Variants in RAB29 observed in about 807,000 individuals in gnomAD.
RAB29 encodes RAB29, member RAS oncogene family, also known as ras-related protein Rab-29.
In RAB29, 13 loss-of-function variants were observed where a neutral mutation model predicts 25.5. That is an observed-to-expected ratio of 0.51 (90% CI 0.33 to 0.81). RAB29 has a LOEUF of 0.81. RAB29 is among the 30% of genes least tolerant of loss of function. RAB29 has a pLI of 0.02. For synonymous variants in RAB29, 88 were observed against 95.0 expected (o/e 0.93, Z 0.43); for missense variants, 201 against 254.9 (o/e 0.79, Z 1.44).
intron 2 of RAB29, 55 bp from the exon 3 acceptor site, chr1:205,772,622 G>A: frequency 6.7e-7 from 1 of 1,499,492 alleles, no homozygotes; most frequent in Non-Finnish European, 9.3e-7. Flanking sequence ...AAAATTAATA[G>A]GGATAAACTC....
chr1:205,768,527 TTTTC>T lies in RAB29; in HGVS notation c.*1811_*1814del, dbSNP rs777138496. On this transcript the variant is annotated 3_prime_UTR_variant, in exon 6 of 6. Transcript: ENST00000367139. The stretch of plus-strand genomic sequence containing the variant: ...GTTTGAGGTCGGGACCCAAAAATCT[TTTTC>T]TTTTTGTTTTTTTTTTTTGGAGATG... 9.0e-5 allele frequency: 9 copies of T among 100,222 alleles called. No homozygotes were observed. Among genetic ancestry groups the T allele is most frequent in the East Asian group, 2.9e-4 (1 of 3,456 alleles). 6.2% of individuals were successfully genotyped at this position (100,222 alleles called of 1,614,324 possible).
chr1:205,770,513 T>A (rs1654932396), intron 5 of RAB29, 60 bp from the exon 6 acceptor site: 3 of 1,496,636 alleles, frequency 2.0e-6, no homozygotes, highest in African/African-American at 2.8e-5. Flanking sequence ...AAATGGCAGA[T>A]GTAGTCTGAC....
chr1:205,773,418 G>A (rs934813974), intron 2 of RAB29, among the ~76,000 whole-genome samples: 2 of 152,178 alleles, frequency 1.3e-5, no homozygotes, highest in African/African-American at 2.4e-5. Context: ...ACCCAAATCC[G>A]TGAAATAGGG....
rs1654859154 is a variant in RAB29, at chr1:205,769,103, TTCTG to T, written c.*1235_*1238del. 1 of 152,216 alleles carries T rather than the reference TTCTG, an allele frequency of 6.6e-6. No homozygotes were observed. The highest frequency in any genetic ancestry group is 1.5e-5 in the Non-Finnish European group (1 of 68,036). The allele number at this position is 152,216 out of a possible 1,614,324, so 9.4% of individuals were successfully genotyped here. ...TTAGTACTTAAATTACCTAATGATT[TTCTG>T]TCTATCTACTTTCCTCCCCCAGGCT... On this transcript the variant is annotated 3_prime_UTR_variant, in exon 6 of 6. Coordinates refer to ENST00000367139, the MANE Select transcript of RAB29 (RefSeq NM_003929.3).
chr1:205,774,796 C>CCCA, intron 2 of RAB29, 37 bp downstream of exon 2: 3 of 921,986 alleles, frequency 3.3e-6, no homozygotes, highest in Non-Finnish European at 5.2e-6. Flanking sequence ...GGGGCCTCCT[C>CCCA]CTCCCCCTCC....
At chr1:205,770,664 A>C in intron 5 of RAB29, 69 bp downstream of exon 5, 1 of 1,605,462 alleles carries the variant, frequency 6.2e-7, no homozygotes, top group South Asian at 1.1e-5. Flanking sequence ...CAGAAATAAG[A>C]AAAGAGGGTC....
At chr1:205,770,521 G>A in intron 5 of RAB29, 68 bp from the exon 6 acceptor site, 3 of 1,467,018 alleles carry the variant, frequency 2.0e-6, no homozygotes, top group Non-Finnish European at 2.8e-6. Flanking sequence ...GATGTAGTCT[G>A]ACTTATCATC....
chr1:205,772,250 CACCTATAGTCTGGACA>C (rs2102477641), intron 3 of RAB29, among the ~76,000 whole-genome samples: 1 of 152,164 alleles, frequency 6.6e-6, no homozygotes, highest in South Asian at 2.1e-4. Flanking sequence ...TGGGAGTGTC[CACCTATAGTCTGGACA>C]ATCCACCACC....
chr1:205,773,392 T>A (rs1655124671), intron 2 of RAB29, among the ~76,000 whole-genome samples: 1 of 152,242 alleles, frequency 6.6e-6, no homozygotes, highest in Non-Finnish European at 1.5e-5. Flanking sequence ...TAACTATTAA[T>A]AGCAGGCCAC....
chr1:205,770,719 C>T lies in RAB29; in HGVS notation c.500+14G>A. The T allele has an allele frequency of 6.2e-7, 1 of 1,614,070 alleles. No homozygotes were observed. The highest frequency in any genetic ancestry group is 1.1e-5 in the South Asian group (1 of 91,048). On this transcript the variant is annotated intron_variant, in intron 5 of 5. Coordinates refer to ENST00000367139, the MANE Select transcript of RAB29 (RefSeq NM_003929.3). ...ATGGATACATCTGCATGCCTATCAGCATGAGCTACTTACCTCATAGCCTCA... is the reference window on the plus strand; with the variant it reads ...ATGGATACATCTGCATGCCTATCAGTATGAGCTACTTACCTCATAGCCTCA...
Position 205,770,340 on chromosome 1 carries a change from T to C in RAB29, c.*2A>G. 1.2e-6 allele frequency: 2 copies of C among 1,611,612 alleles called. No individual in the cohort carries two copies. ...CTGGGATGGAAAATAAGCCAAACAC[T>C]ACTAGCAGCAGGACCAGCTGGAGGA... On this transcript the variant is annotated 3_prime_UTR_variant, in exon 6 of 6. Transcript: ENST00000367139.
At chr1:205,774,803 C>CAG in intron 2 of RAB29, 30 bp downstream of exon 2, 1 of 1,445,874 alleles carries the variant, frequency 6.9e-7, no homozygotes. Context: ...CCTCCTCCCC[C>CAG]TCCCCCTCCC....
At chr1:205,774,267 A>T (rs1295602772) in intron 2 of RAB29, among the ~76,000 whole-genome samples, 1 of 152,258 alleles carries the variant, frequency 6.6e-6, no homozygotes, top group Non-Finnish European at 1.5e-5. Context: ...TGCGTAGCCA[A>T]GGGGCTCGTT....
rs1654874940 is a variant in RAB29 at position 205,769,412 on chromosome 1, GT to G, written c.*929del. The G allele has an allele frequency of 6.6e-6, 1 of 152,116 alleles. No individual in the cohort carries two copies. The allele number at this position is 152,116 out of a possible 1,614,324, so 9.4% of individuals were successfully genotyped here. On this transcript the variant is annotated 3_prime_UTR_variant, in exon 6 of 6. Transcript: ENST00000367139. ...ATGCTTTCATTGCATGAGATAGGTA[GT>G]TTAAAAATGACTATTCTTTTTTCTT...
rs1373218941 is a variant in RAB29, at chr1:205,769,370, G to A, written c.*972C>T. ...TAGGCAATCCTATCATGAGGATTAA[G>A]CTCTTTGTGGAAGAAAATGCTTTCA... On this transcript the variant is annotated 3_prime_UTR_variant, in exon 6 of 6. Transcript: ENST00000367139. The A allele has an allele frequency of 1.3e-5, 2 of 152,202 alleles. No individual in the cohort carries two copies. Among genetic ancestry groups the A allele is most frequent in the Admixed American group, 6.5e-5 (1 of 15,284 alleles). The allele number at this position is 152,202 out of a possible 1,614,324, so 9.4% of individuals were successfully genotyped here. A position where few individuals can be genotyped will look rare whatever the true frequency, so the allele number is the denominator to read the frequency against.
In RAB29 at chr1:205,771,575, T is replaced by C. The variant is rs761522768; in HGVS notation, c.275A>G (p.Asn92Ser). The C allele has an allele frequency of 6.2e-6, 10 of 1,613,936 alleles. No homozygotes were observed. Among genetic ancestry groups the C allele is most frequent in the South Asian group, 4.4e-5 (4 of 91,084 alleles). The change falls in exon 4 of 6, where the codon AAT becomes AGT. Residue 92 changes from asparagine (N) to serine (S), a missense_variant. Transcript: ENST00000367139. ...SACVIMFDVT[N>S]ATTFSNSQRW... ...CTGGCTGTTGCTGAAGGTAGTGGCA[T>C]TGGTAACGTCAAACATAATAACACA...
chr1:205,772,214 C>A (rs1655064819), intron 3 of RAB29, among the ~76,000 whole-genome samples: 1 of 152,104 alleles, frequency 6.6e-6, no homozygotes, highest in Non-Finnish European at 1.5e-5. Context: ...CAGCCTTAAA[C>A]CTAGAAAAAG....
In RAB29 at chr1:205,774,958, G is replaced by A. The variant is rs1287078869; in HGVS notation, c.-2C>T. On this transcript the variant is annotated 5_prime_UTR_variant, in exon 2 of 6. Coordinates refer to ENST00000367139, the MANE Select transcript of RAB29 (RefSeq NM_003929.3). The stretch of plus-strand genomic sequence containing the variant: ...GAACAGGTGGTCGCGGCTGCCCATG[G>A]CTAGCGGGGTGTGCGTTTTAGGGAG... The A allele has an allele frequency of 2.2e-5, 35 of 1,613,482 alleles. No homozygotes were observed. Among genetic ancestry groups the A allele is most frequent in the Non-Finnish European group, 2.9e-5 (34 of 1,180,022 alleles).
At position 205,775,004 on chromosome 1, in the gene RAB29, T is replaced by C. The variant is rs1285052095; in HGVS notation, c.-48A>G. On this transcript the variant is annotated 5_prime_UTR_variant, in exon 2 of 6. Coordinates refer to ENST00000367139, the MANE Select transcript of RAB29 (RefSeq NM_003929.3). ...GGGAGGCGGGAAGTGTGGTCGGGGA[T>C]CGGGGGTCGCTCGTTTTAACCCCTT... 10 of 1,609,068 alleles carry C rather than the reference T, an allele frequency of 6.2e-6. No homozygotes were observed. The highest frequency in any genetic ancestry group is 8.5e-6 in the Non-Finnish European group (10 of 1,179,196).
Sources: gnomAD v4.1 joint callset for allele counts (sites outside exome capture counted in the v4.1 genomes callset) on GRCh38, gnomAD v4.1.1 for gene constraint, MANE v1.5 for transcripts, NCBI Gene and HGNC (gene_info 2026-07-23, HGNC 2026-07-21) for gene names.